Variants in KCNT2 observed in about 807,000 individuals in gnomAD.
KCNT2 encodes the protein potassium channel subfamily T member 2.
A neutral mutation model predicts 153.8 loss-of-function variants in KCNT2; 67 were observed. The observed-to-expected ratio is 0.44, with a 90% confidence interval of 0.36 to 0.53. The LOEUF (loss-of-function observed/expected upper bound fraction) is 0.53. KCNT2 is among the 20% of genes least tolerant of loss of function. The probability of loss-of-function intolerance (pLI) is 0.00; values close to 1 mark genes in which losing one functional copy is unlikely to be tolerated. For synonymous variants in KCNT2, 500 were observed against 458.8 expected (o/e 1.09, Z -1.15); for missense variants, 975 against 1,354.8 (o/e 0.72, Z 4.40).
chr1:196,385,960 C>A (rs1316911850), intron 13 of KCNT2, among the ~76,000 whole-genome samples: 2 of 152,072 alleles, frequency 1.3e-5, no homozygotes, highest in East Asian at 3.9e-4. Context: ...TAGGATATTG[C>A]AGAATAACAA....
intron 1 of KCNT2, among the ~76,000 whole-genome samples, chr1:196,578,834 T>C (rs1056167362): frequency 6.6e-6 from 1 of 152,174 alleles, no homozygotes; most frequent in Non-Finnish European, 1.5e-5. Context: ...CTTCCAATTA[T>C]TTTTTTGTAT....
chr1:196,293,871 A>C (rs1342289440), intron 22 of KCNT2, among the ~76,000 whole-genome samples: 5 of 150,516 alleles, frequency 3.3e-5, no homozygotes, highest in Admixed American at 6.6e-5. Context: ...AAAAAAAAAA[A>C]AACAAAAAAA....
intron 1 of KCNT2, among the ~76,000 whole-genome samples, chr1:196,545,511 C>G (rs1193885135): frequency 6.6e-6 from 1 of 151,940 alleles, no homozygotes; most frequent in Non-Finnish European, 1.5e-5. Context: ...AAGCAAGTCC[C>G]CAAACAGTGC....
At chr1:196,554,674 G>C (rs1052105670) in intron 1 of KCNT2, among the ~76,000 whole-genome samples, 19 of 150,756 alleles carry the variant, frequency 1.3e-4, no homozygotes, top group African/African-American at 4.1e-4. Context: ...AACTGGACAA[G>C]AACCAACAAA....
rs930501749 is a variant in KCNT2, at chr1:196,269,281, C to A, written c.2911-10787G>T. Among the ~76,000 whole-genome samples the A allele has an allele frequency of 3.3e-5, 5 of 152,252 alleles. No individual in the cohort carries two copies. In the East Asian group the frequency reaches 5.8e-4, roughly 18 times the overall value. On this transcript the variant is annotated intron_variant, in intron 25 of 27. Transcript: ENST00000294725. ...TTGGATACAATAATAAAAACGTAGG[C>A]ATGATTTCCATACTATTTATTTGGT...
chr1:196,385,233 G>C (rs1335843883), intron 13 of KCNT2, among the ~76,000 whole-genome samples: 3 of 152,086 alleles, frequency 2.0e-5, no homozygotes, highest in African/African-American at 4.8e-5. Context: ...CACATCAGCA[G>C]ATTCCAAAAA....
At chr1:196,439,161 T>A (rs1186491061) in intron 8 of KCNT2, among the ~76,000 whole-genome samples, 1 of 151,912 alleles carries the variant, frequency 6.6e-6, no homozygotes, top group Non-Finnish European at 1.5e-5. Flanking sequence ...TTACCGTGAT[T>A]TAGTTTTATA....
Position 196,479,182 on chromosome 1 carries a change from A to G in KCNT2, c.381T>C (p.Tyr127=), listed in dbSNP as rs781762503. The G allele has an allele frequency of 3.9e-6, 6 of 1,537,468 alleles. No homozygotes were observed. In the African/African-American group the frequency reaches 8.2e-5, roughly 21 times the overall value. The change falls in exon 5 of 28, where the codon TAT becomes TAC. Residue 127 remains tyrosine, a synonymous_variant. Transcript: ENST00000294725. ...FETILLGYLS[Y]KGNIWEQILR... ...ACTGCTAATTAAAATAACTTACCTT[A>G]TAACTAAGATAACCAAGTAATATTG... is the stretch of plus-strand genomic sequence containing the variant.
At chr1:196,433,480 A>G (rs764619167) in intron 8 of KCNT2, among the ~76,000 whole-genome samples, 1 of 152,028 alleles carries the variant, frequency 6.6e-6, no homozygotes, top group Non-Finnish European at 1.5e-5. Flanking sequence ...GGTGGTGAAA[A>G]TGTTCTGAAA....
chr1:196,256,184 T>C (rs1359417471), intron 26 of KCNT2, among the ~76,000 whole-genome samples: 5 of 151,938 alleles, frequency 3.3e-5, no homozygotes, highest in Admixed American at 1.3e-4. Flanking sequence ...ATAATTTCTA[T>C]AGTCAAGCAT....
chr1:196,542,994 T>C (rs1381672520), intron 1 of KCNT2, among the ~76,000 whole-genome samples: 1 of 152,112 alleles, frequency 6.6e-6, no homozygotes. Context: ...CATTAAGGAA[T>C]AAAACACGTT....
intron 22 of KCNT2, among the ~76,000 whole-genome samples, chr1:196,304,198 A>T (rs184243456): frequency 1.3e-5 from 2 of 152,282 alleles, no homozygotes; most frequent in South Asian, 2.1e-4. Context: ...ATGAGGGTAC[A>T]GACACAACCT....
At chr1:196,261,097 TTTC>T (rs941694221) in intron 25 of KCNT2, among the ~76,000 whole-genome samples, 31 of 151,832 alleles carry the variant, frequency 2.0e-4, no homozygotes, top group African/African-American at 6.8e-4. Context: ...CCTGATGTCA[TTTC>T]TTCTTCTAGT....
At chr1:196,342,970 T>G (rs1025092301) in intron 14 of KCNT2, 39 of 152,256 alleles carry the variant, frequency 2.6e-4, no homozygotes, top group African/African-American at 9.1e-4. Flanking sequence ...ATGGAATTAG[T>G]GCCTTTTAAA....
At chr1:196,336,451 A>C (rs1401157701) in intron 16 of KCNT2, among the ~76,000 whole-genome samples, 2 of 152,100 alleles carry the variant, frequency 1.3e-5, no homozygotes, top group East Asian at 3.9e-4. Context: ...TTCCTTACTT[A>C]AATTAAGTTC....
chr1:196,583,628 G>A lies in KCNT2; in HGVS notation c.95+24587C>T, dbSNP rs960544456. 2.0e-5 allele frequency among the ~76,000 whole-genome samples: 3 copies of A among 151,882 alleles called. No individual in the cohort carries two copies. The East Asian group carries it at 5.8e-4, about 29-fold the overall frequency. ...AGGGAAGACTGTAAAGGAGAACTAGGATAAGATGAGTAGGACATAAAACAA... is the reference window on the plus strand; with the variant it reads ...AGGGAAGACTGTAAAGGAGAACTAGAATAAGATGAGTAGGACATAAAACAA... On this transcript the variant is annotated intron_variant, in intron 1 of 27. Coordinates refer to ENST00000294725, the MANE Select transcript of KCNT2 (RefSeq NM_198503.5).
chr1:196,353,512 C>CA (rs1290535807), intron 14 of KCNT2, among the ~76,000 whole-genome samples: 5 of 151,850 alleles, frequency 3.3e-5, no homozygotes, highest in Non-Finnish European at 7.4e-5. Flanking sequence ...AAACAAACCG[C>CA]AAAAAAGCTG....
chr1:196,460,646 C>G (rs1282182228), intron 8 of KCNT2, among the ~76,000 whole-genome samples: 1 of 151,516 alleles, frequency 6.6e-6, no homozygotes, highest in South Asian at 2.1e-4. Flanking sequence ...TAAACCTTGA[C>G]CATATTCCAT....
chr1:196,311,048 C>G (rs138633969), intron 21 of KCNT2, among the ~76,000 whole-genome samples: 372 of 151,962 alleles, frequency 2.4e-3, no homozygotes, highest in Non-Finnish European at 4.6e-3. Flanking sequence ...TTTAGTCTCT[C>G]TTCACTTTTC....
Sources: gnomAD v4.1 joint callset for allele counts (sites outside exome capture counted in the v4.1 genomes callset) on GRCh38, gnomAD v4.1.1 for gene constraint, MANE v1.5 for transcripts, NCBI Gene and HGNC (gene_info 2026-07-23, HGNC 2026-07-21) for gene names.